The following COL28A1 variants were observed in gnomAD, a reference collection of about 807,000 sequenced individuals.
COL28A1 encodes the protein collagen alpha-1(XXVIII) chain.
COL28A1 carries 161 observed loss-of-function variants against 150.2 expected under a neutral mutation model. The observed-to-expected ratio is 1.07, with a 90% confidence interval of 0.94 to 1.22. The LOEUF (loss-of-function observed/expected upper bound fraction) is 1.22. COL28A1 is among the 50% of genes most tolerant of loss of function. The pLI, the probability that COL28A1 is intolerant of heterozygous loss-of-function variation, is 0.00. For missense variants in COL28A1, 1,617 were observed against 1,388.3 expected, an observed-to-expected ratio of 1.16 and a Z score of -2.62; for synonymous variants, 552 against 469.7, an observed-to-expected ratio of 1.18 and a Z score of -2.26.
At position 7,517,848 on chromosome 7, in the gene COL28A1, C is replaced by CA; in HGVS notation, c.814-12dup. Reference sequence around the variant, plus strand: ...TTTTTGAGCGTTGCCCTGTGACAAACAAAAAACAGTAAAAATTCCACAGCC... The same window carrying CA: ...TTTTTGAGCGTTGCCCTGTGACAAACAAAAAAACAGTAAAAATTCCACAGCC... On this transcript the variant is annotated splice_polypyrimidine_tract_variant and intron_variant, in intron 6 of 34. Coordinates refer to ENST00000399429, the MANE Select transcript of COL28A1 (RefSeq NM_001037763.3). 2 of 1,613,440 alleles carry CA rather than the reference C, an allele frequency of 1.2e-6. No individual in the cohort carries two copies. Among genetic ancestry groups the CA allele is most frequent in the South Asian group, 1.1e-5 (1 of 91,060 alleles).
chr7:7,383,277 TGTGTGTGTGTG>T lies in COL28A1; in HGVS notation c.2137-1676_2137-1666del, dbSNP rs1176575620. On this transcript the variant is annotated intron_variant, in intron 27 of 34. Transcript: ENST00000399429. The stretch of plus-strand genomic sequence containing the variant: ...GTGTGTGTGTGTGTGTGTGTGTGTG[TGTGTGTGTGTG>T]TTTTTTTTGAGACAGAGTCTCACTC... Among the ~76,000 whole-genome samples the T allele has an allele frequency of 2.4e-3, 334 of 141,538 alleles. 2 individuals are homozygous for T. Among genetic ancestry groups the T allele is most frequent in the South Asian group, 0.011 (47 of 4,440 alleles). 92.9% of individuals were successfully genotyped at this position (141,538 alleles called of 152,430 possible).
At chr7:7,480,760 C>A (rs1789324661) in intron 13 of COL28A1, among the ~76,000 whole-genome samples, 1 of 152,142 alleles carries the variant, frequency 6.6e-6, no homozygotes, top group Admixed American at 6.5e-5. Context: ...CAAAACTGCT[C>A]CCTGTCTCAT....
intron 25 of COL28A1, 111 bp from the exon 26 acceptor site, chr7:7,420,064 T>C (rs1784315132): frequency 1.8e-6 from 1 of 554,946 alleles, no homozygotes; most frequent in Non-Finnish European, 3.0e-6. Flanking sequence ...AGGTATTAAT[T>C]GAACCCTCTT....
At chr7:7,541,940 CAA>C in the COL28A1 span, among the ~76,000 whole-genome samples, 74 of 147,288 alleles carry the variant, frequency 5.0e-4, no homozygotes, top group Middle Eastern at 3.4e-3. Flanking sequence ...AAGTTTTACC[CAA>C]AAAAAAAAAA....
rs1242534190 is a variant in COL28A1, at chr7:7,515,800, T to C, written c.882+14A>G. The stretch of plus-strand genomic sequence containing the variant: ...TTGAAATTCTGGTCAATCTATTTGT[T>C]GTTACCAACTTACCTTGTCACCCTT... On this transcript the variant is annotated intron_variant, in intron 8 of 34. Coordinates refer to ENST00000399429, the MANE Select transcript of COL28A1 (RefSeq NM_001037763.3). 3 of 1,007,134 alleles carry C rather than the reference T, an allele frequency of 3.0e-6. No individual in the cohort carries two copies. Among genetic ancestry groups the C allele is most frequent in the Non-Finnish European group, 4.8e-6 (3 of 629,070 alleles). The allele number at this position is 1,007,134 out of a possible 1,614,324, so 62.4% of individuals were successfully genotyped here. A position where few individuals can be genotyped will look rare whatever the true frequency, so the allele number is the denominator to read the frequency against.
intron 10 of COL28A1, 56 bp downstream of exon 10, chr7:7,507,061 T>A (rs929806959): frequency 1.2e-6 from 1 of 854,250 alleles, no homozygotes; most frequent in East Asian, 2.5e-5. Flanking sequence ...GGGGATGGTT[T>A]AAAAACTCCC....
At chr7:7,370,620 C>A in intron 33 of COL28A1, 105 bp downstream of exon 33, 1 of 828,752 alleles carries the variant, frequency 1.2e-6, no homozygotes, top group Non-Finnish European at 1.8e-6. Context: ...TAAAAATACA[C>A]GTGCCTCAGC....
In COL28A1 at chr7:7,394,589, A is replaced by G. The variant is rs76628340; in HGVS notation, c.2137-12977T>C. Among the ~76,000 whole-genome samples, 851 of 152,274 alleles carry G rather than the reference A, an allele frequency of 5.6e-3. 5 individuals carry two copies. The highest frequency in any genetic ancestry group is 0.02 in the African/African-American group (819 of 41,570). ...TGACAATAAGGAAATTCAGGATGCT[A>G]TAGCTATGGAGGGTCAGTTCAATCT... On this transcript the variant is annotated intron_variant, in intron 27 of 34. Coordinates refer to ENST00000399429, the MANE Select transcript of COL28A1 (RefSeq NM_001037763.3).
At chr7:7,498,048 T>C (rs1349354233) in intron 11 of COL28A1, among the ~76,000 whole-genome samples, 10 of 152,178 alleles carry the variant, frequency 6.6e-5, no homozygotes, top group African/African-American at 2.2e-4. Context: ...AAGAATATAA[T>C]AAAAATTATA....
At chr7:7,488,010 T>C (rs1009267930) in intron 13 of COL28A1, among the ~76,000 whole-genome samples, 3 of 152,158 alleles carry the variant, frequency 2.0e-5, no homozygotes, top group Non-Finnish European at 4.4e-5. Flanking sequence ...CTGCCAGCCA[T>C]GTGAGGCCAT....
downstream of COL28A1, among the ~76,000 whole-genome samples, chr7:7,353,405 G>A (rs1203428537): frequency 1.3e-5 from 2 of 152,150 alleles, no homozygotes; most frequent in African/African-American, 4.8e-5. Context: ...AAGACACACA[G>A]GAATATAACT....
chr7:7,434,971 T>C (rs1785237553), intron 23 of COL28A1, among the ~76,000 whole-genome samples: 1 of 152,186 alleles, frequency 6.6e-6, no homozygotes, highest in African/African-American at 2.4e-5. Context: ...ATGTGCTAAA[T>C]CTTCCGTCAG....
intron 15 of COL28A1, among the ~76,000 whole-genome samples, chr7:7,463,960 G>A (rs1422148814): frequency 1.3e-5 from 2 of 152,142 alleles, no homozygotes; most frequent in Non-Finnish European, 2.9e-5. Context: ...GTAAGCTGAT[G>A]GAAAATGACA....
rs189000470 is a variant in COL28A1 at position 7,446,460 on chromosome 7, T to C, written c.1510-1971A>G. Among the ~76,000 whole-genome samples the C allele has an allele frequency of 1.0e-3, 158 of 152,288 alleles. 1 individual carries two copies. Among genetic ancestry groups the C allele is most frequent in the Non-Finnish European group, 1.1e-3 (76 of 68,018 alleles). ...AATTGAGTCAGTGATTAAAAGTCTC[T>C]ACTTTCTCTCTCTCCAAGATCACAA... On this transcript the variant is annotated intron_variant, in intron 18 of 34. Transcript: ENST00000399429.
At chr7:7,350,407 T>C in the COL28A1 span, among the ~76,000 whole-genome samples, 1 of 152,152 alleles carries the variant, frequency 6.6e-6, no homozygotes, top group Non-Finnish European at 1.5e-5. Flanking sequence ...ACTTGGCCTC[T>C]AATCTTTAGT....
At chr7:7,500,240 C>T (rs1480787691) in intron 11 of COL28A1, among the ~76,000 whole-genome samples, 2 of 152,226 alleles carry the variant, frequency 1.3e-5, no homozygotes, top group Non-Finnish European at 2.9e-5. Flanking sequence ...TAAGTTACCA[C>T]ATAGGCAACT....
At chr7:7,439,125 A>G (rs181821531) in intron 21 of COL28A1, among the ~76,000 whole-genome samples, 2 of 152,328 alleles carry the variant, frequency 1.3e-5, no homozygotes, top group Admixed American at 1.3e-4. Context: ...CTTTTCAGTC[A>G]TCCTGCTTCC....
At chr7:7,384,017 T>A (rs987358805) in intron 27 of COL28A1, among the ~76,000 whole-genome samples, 1 of 152,132 alleles carries the variant, frequency 6.6e-6, no homozygotes, top group South Asian at 2.1e-4. Context: ...TCACGGCACA[T>A]TGGCTTGACT....
intron 3 of COL28A1, among the ~76,000 whole-genome samples, chr7:7,528,706 A>G (rs1782169768): frequency 6.6e-6 from 1 of 152,212 alleles, no homozygotes; most frequent in Non-Finnish European, 1.5e-5. Flanking sequence ...CTAGAGTCAC[A>G]AAAGTAAGAT....
Sources: allele counts gnomAD v4.1 joint callset (sites outside exome capture counted in the v4.1 genomes callset), GRCh38; gene constraint gnomAD v4.1.1; transcripts MANE v1.5; gene names NCBI Gene and HGNC (gene_info 2026-07-23, HGNC 2026-07-21).